Variants in GALNT10 observed in about 807,000 individuals in gnomAD.
GALNT10 encodes GalNAc transferase 10.
GALNT10 carries 41 observed loss-of-function variants against 75.0 expected under a neutral mutation model. The observed-to-expected ratio is 0.55, with a 90% CI of 0.43 to 0.71. GALNT10 has a LOEUF of 0.71. Ranked by LOEUF, GALNT10 falls within the 30% of genes least tolerant of loss-of-function variation. GALNT10 has a pLI of 0.00. For missense variants in GALNT10, 727 were observed against 818.5 expected, an observed-to-expected ratio of 0.89 and a Z score of 1.36; for synonymous variants, 302 against 313.0, an observed-to-expected ratio of 0.96 and a Z score of 0.37.
intron 1 of GALNT10, among the ~76,000 whole-genome samples, chr5:154,262,132 A>G (rs1265934424): frequency 1.3e-5 from 2 of 152,212 alleles, no homozygotes; most frequent in East Asian, 3.9e-4. Context: ...TTTCGGTAAC[A>G]TTAACTGACA....
chr5:154,248,609 T>C (rs1262724779), intron 1 of GALNT10, among the ~76,000 whole-genome samples: 1 of 152,260 alleles, frequency 6.6e-6, no homozygotes, highest in Non-Finnish European at 1.5e-5. Flanking sequence ...GAGATGTTTA[T>C]AGTATTCTCT....
chr5:154,303,777 T>C (rs1212892497), intron 3 of GALNT10, among the ~76,000 whole-genome samples: 3 of 152,118 alleles, frequency 2.0e-5, no homozygotes, highest in African/African-American at 7.2e-5. Context: ...CATCAATACA[T>C]AAATATTCAC....
At chr5:154,396,612 T>G (rs2351478) in intron 7 of GALNT10, among the ~76,000 whole-genome samples, 67,861 of 152,030 alleles carry the variant, frequency 0.45, 17,652 homozygotes, top group African/African-American at 0.71. Context: ...AAAGTGTTAA[T>G]TAAACCTCGG....
intron 1 of GALNT10, among the ~76,000 whole-genome samples, chr5:154,204,328 C>T (rs1382705569): frequency 1.3e-5 from 2 of 152,216 alleles, no homozygotes; most frequent in African/African-American, 4.8e-5. Context: ...TTCCCACCAG[C>T]CTGTCACATC....
At chr5:154,209,900 AT>A (rs34852083) in intron 1 of GALNT10, among the ~76,000 whole-genome samples, 62,014 of 150,938 alleles carry the variant, frequency 0.41, 13,608 homozygotes, top group East Asian at 0.78. Context: ...AATCAAACAC[AT>A]TTTTTTTTTC....
intron 1 of GALNT10, among the ~76,000 whole-genome samples, chr5:154,226,161 A>T (rs576934206): frequency 1.3e-5 from 2 of 152,320 alleles, no homozygotes; most frequent in South Asian, 4.1e-4. Flanking sequence ...AAGAAATTTA[A>T]CATGCATTCT....
chr5:154,341,839 G>GA (rs1399976494), intron 4 of GALNT10, among the ~76,000 whole-genome samples: 13 of 152,194 alleles, frequency 8.5e-5, no homozygotes, highest in African/African-American at 2.9e-4. Flanking sequence ...GCTGCAGGGG[G>GA]ATGGAGAACG....
At chr5:154,262,981 T>G (rs1753722014) in intron 1 of GALNT10, among the ~76,000 whole-genome samples, 1 of 152,084 alleles carries the variant, frequency 6.6e-6, no homozygotes, top group South Asian at 2.1e-4. Context: ...TAAAAGCAAT[T>G]TAGAGACAGA....
intron 1 of GALNT10, among the ~76,000 whole-genome samples, chr5:154,225,329 T>C (rs1753045651): frequency 6.6e-6 from 1 of 150,518 alleles, no homozygotes; most frequent in Non-Finnish European, 1.5e-5. Flanking sequence ...CCTGACCTCG[T>C]GATCCGCCCA....
intron 7 of GALNT10, among the ~76,000 whole-genome samples, chr5:154,400,469 A>C (rs115599790): frequency 1.3e-5 from 2 of 152,114 alleles, no homozygotes; most frequent in African/African-American, 4.8e-5. Context: ...CCTGCCCTAC[A>C]CCAGCTCCAG....
intron 4 of GALNT10, chr5:154,337,791 TTC>T (rs1754967482): frequency 1.9e-6 from 2 of 1,046,000 alleles, no homozygotes; most frequent in African/African-American, 3.1e-5. Flanking sequence ...AAAGTTGTCA[TTC>T]CCACTAAAAC....
In GALNT10 at chr5:154,221,660, C is replaced by G. The variant is rs138681589; in HGVS notation, c.159+30635C>G. ...CACAGGAATGCAACCTGACATCTCT[C>G]TCAGGCTCTAAGTATTGGACTGCCA... On this transcript the variant is annotated intron_variant, in intron 1 of 11. Transcript: ENST00000297107. Among the ~76,000 whole-genome samples the G allele has an allele frequency of 7.1e-3, 1,075 of 152,338 alleles. 15 individuals carry two copies. Among genetic ancestry groups the G allele is most frequent in the African/African-American group, 0.025 (1,020 of 41,580 alleles).
At chr5:154,334,329 G>C (rs1754910407) in intron 4 of GALNT10, among the ~76,000 whole-genome samples, 1 of 152,228 alleles carries the variant, frequency 6.6e-6, no homozygotes, top group Non-Finnish European at 1.5e-5. Flanking sequence ...CTTACAAATA[G>C]AACACTGCAC....
intron 1 of GALNT10, among the ~76,000 whole-genome samples, chr5:154,192,114 A>G (rs1774868651): frequency 6.6e-6 from 1 of 152,198 alleles, no homozygotes; most frequent in South Asian, 2.1e-4. Flanking sequence ...GTCAGACTTG[A>G]CTGACTGTTG....
intron 3 of GALNT10, among the ~76,000 whole-genome samples, chr5:154,318,912 A>G (rs1043222972): frequency 6.6e-6 from 1 of 152,268 alleles, no homozygotes; most frequent in African/African-American, 2.4e-5. Context: ...AAACCAAAGG[A>G]TAGTGAAAGT....
intron 8 of GALNT10, chr5:154,406,207 C>T (rs1355646509): frequency 6.6e-6 from 1 of 152,094 alleles, no homozygotes; most frequent in African/African-American, 2.4e-5. Flanking sequence ...TTAGTGTTAG[C>T]ATCAATATTA....
At chr5:154,397,917 T>C (rs1306411727) in intron 7 of GALNT10, among the ~76,000 whole-genome samples, 1 of 152,228 alleles carries the variant, frequency 6.6e-6, no homozygotes, top group African/African-American at 2.4e-5. Flanking sequence ...CCCATTGTGT[T>C]TTCCCAATGC....
chr5:154,256,353 G>GTT (rs1004089623), intron 1 of GALNT10, among the ~76,000 whole-genome samples: 33 of 18,926 alleles, frequency 1.7e-3, no homozygotes, highest in Non-Finnish European at 3.0e-3. Context: ...TGTTGTTTTT[G>GTT]TTTTTTTTTT....
At chr5:154,225,609 G>C in intron 1 of GALNT10, among the ~76,000 whole-genome samples, 1 of 151,084 alleles carries the variant, frequency 6.6e-6, no homozygotes, top group Middle Eastern at 3.2e-3. Context: ...TCACTGTGTT[G>C]CCCAGGTTGG....
Sources: allele counts gnomAD v4.1 joint callset (sites outside exome capture counted in the v4.1 genomes callset), GRCh38; gene constraint gnomAD v4.1.1; transcripts MANE v1.5; gene names NCBI Gene and HGNC (gene_info 2026-07-23, HGNC 2026-07-21).